Variants in TET2 observed in about 807,000 individuals in gnomAD.
TET2 encodes methylcytosine dioxygenase TET2.
In TET2, 299 loss-of-function variants were observed where a neutral mutation model predicts 142.9. The ratio of observed to expected loss-of-function variants is 2.09; its 90% CI spans 1.90 to 2.30. The LOEUF is 2.30. Among genes scored for constraint, TET2 ranks in the 30% most tolerant of loss-of-function variants. The pLI is 0.00. For missense variants in TET2, 2,418 were observed against 2,378.0 expected (o/e 1.02, Z -0.35); for synonymous variants, 819 against 849.0 (o/e 0.96, Z 0.61).
At chr4:105,225,095 T>C (rs1387319976) in intron 2 of TET2, among the ~76,000 whole-genome samples, 1 of 152,088 alleles carries the variant, frequency 6.6e-6, no homozygotes, top group Non-Finnish European at 1.5e-5. Flanking sequence ...TTTAGCATTA[T>C]GTTTTGTTCA....
rs1292467870 is a variant in TET2 at position 105,278,163 on chromosome 4, A to AATATATATATAT, written c.*1651_*1652insTATATATATATA. On this transcript the variant is annotated 3_prime_UTR_variant, in exon 11 of 11. Transcript: ENST00000380013. ...GTATTTTAGTACTGTAAAAAAATTAAATATATACATATATATATATATATA... is the reference window on the plus strand; with the variant it reads ...GTATTTTAGTACTGTAAAAAAATTAAATATATATATATATATATACATATATATATATATATA... The AATATATATATAT allele has an allele frequency of 8.6e-6, 1 of 116,730 alleles. No homozygotes were observed. The highest frequency in any genetic ancestry group is 1.5e-5 in the Non-Finnish European group (1 of 65,066). 7.2% of individuals were successfully genotyped at this position (116,730 alleles called of 1,614,324 possible).
rs917237888 is a variant in TET2 at position 105,277,404 on chromosome 4, A to G, written c.*885A>G. On this transcript the variant is annotated 3_prime_UTR_variant, in exon 11 of 11. Coordinates refer to ENST00000380013, the MANE Select transcript of TET2 (RefSeq NM_001127208.3). ...ACATGTATATGTATAAATATTTTAA[A>G]TGGTGTTTTAGAAGCACTTTGTCTA... The G allele has an allele frequency of 8.9e-6, 2 of 224,986 alleles. No individual in the cohort carries two copies. Among genetic ancestry groups the G allele is most frequent in the African/African-American group, 2.2e-5 (1 of 44,942 alleles). 13.9% of individuals were successfully genotyped at this position (224,986 alleles called of 1,614,324 possible).
intron 1 of TET2, among the ~76,000 whole-genome samples, chr4:105,170,417 T>C (rs1193647635): frequency 6.6e-6 from 1 of 152,114 alleles, no homozygotes; most frequent in Non-Finnish European, 1.5e-5. Flanking sequence ...TCTCAAAAGT[T>C]TGGGGTTGTA....
rs2110234942 is a variant in TET2 at position 105,236,652 on chromosome 4, C to A, written c.2710C>A (p.Gln904Lys). 1 of 1,613,972 alleles carries A rather than the reference C, an allele frequency of 6.2e-7. No individual in the cohort carries two copies. The highest frequency in any genetic ancestry group is 8.5e-7 in the Non-Finnish European group (1 of 1,179,990). The change falls in exon 3 of 11, where the codon CAA (glutamine) becomes AAA (lysine). Residue 904 changes from glutamine (Q) to lysine (K), a missense_variant. By Grantham distance (53) the Gln-to-Lys change is moderately conservative. Transcript: ENST00000380013. ...TCTACAGGGATATAAAAATAGAAAC[C>A]AAGATATGTCTGGTCAACAAGCTGC... ...SVLQGYKNRN[Q>K]DMSGQQAAQL...
intron 1 of TET2, among the ~76,000 whole-genome samples, chr4:105,174,263 A>G (rs1724648265): frequency 6.6e-6 from 1 of 152,236 alleles, no homozygotes; most frequent in Non-Finnish European, 1.5e-5. Flanking sequence ...GTACATTGCA[A>G]AACAACCCTT....
rs1199463428 is a variant in TET2 at position 105,274,818 on chromosome 4, G to C, written c.4538-230G>C. Among the ~76,000 whole-genome samples the C allele has an allele frequency of 3.9e-5, 6 of 152,114 alleles. No homozygotes were observed. In the East Asian group the frequency reaches 1.2e-3, roughly 29 times the overall value. ...TTTTGCTCTCAATGGAATGGCTTTG[G>C]ATGTTTATTACATTTTTTTTTTCAC... On this transcript the variant is annotated intron_variant, in intron 10 of 10. Transcript: ENST00000380013.
chr4:105,176,493 G>A (rs1008033956), intron 1 of TET2, among the ~76,000 whole-genome samples: 2 of 152,042 alleles, frequency 1.3e-5, no homozygotes, highest in African/African-American at 4.8e-5. Context: ...CTGTATACCA[G>A]CAATAAACAA....
chr4:105,157,390 T>C (rs1723621446), intron 1 of TET2, among the ~76,000 whole-genome samples: 1 of 152,174 alleles, frequency 6.6e-6, no homozygotes, highest in African/African-American at 2.4e-5. Flanking sequence ...CTTTAAACCT[T>C]GTTTTATAGA....
chr4:105,251,067 T>C (rs1729849366), intron 6 of TET2, among the ~76,000 whole-genome samples: 1 of 152,206 alleles, frequency 6.6e-6, no homozygotes, highest in Non-Finnish European at 1.5e-5. Context: ...GGTCATAAAT[T>C]TCATTTTTAT....
intron 8 of TET2, among the ~76,000 whole-genome samples, chr4:105,267,822 T>G (rs910493093): frequency 4.6e-5 from 7 of 151,886 alleles, no homozygotes; most frequent in Non-Finnish European, 1.0e-4. Flanking sequence ...AAAAGATATT[T>G]TTAACATAAA....
intron 1 of TET2, among the ~76,000 whole-genome samples, chr4:105,163,806 C>CGAGAGAGAGAGAGA (rs59658275): frequency 2.5e-4 from 20 of 79,790 alleles, no homozygotes; most frequent in South Asian, 6.1e-4. Context: ...TCGAAAGTTT[C>CGAGAGAGAGAGAGA]GAGAGAGAGA....
At chr4:105,168,731 AC>A (rs1423967878) in intron 1 of TET2, among the ~76,000 whole-genome samples, 2 of 151,174 alleles carry the variant, frequency 1.3e-5, no homozygotes, top group African/African-American at 4.9e-5. Flanking sequence ...TTTATTCCTC[AC>A]CCCCTTCCCA....
rs1295678627 is a variant in TET2, at chr4:105,279,713, GGTTATTTGAAAGCT to G, written c.*3198_*3211del. 4.4e-6 allele frequency: 1 copy of G among 227,634 alleles called. No individual in the cohort carries two copies. Among genetic ancestry groups the G allele is most frequent in the African/African-American group, 2.2e-5 (1 of 45,010 alleles). The allele number at this position is 227,634 out of a possible 1,614,324, so 14.1% of individuals were successfully genotyped here. A position where few individuals can be genotyped will look rare whatever the true frequency, so the allele number is the denominator to read the frequency against. ...TAAGTATTGTAATGTTATGAATGCAGGTTATTTGAAAGCTGTTTATTATTATATCATTCCTGATA... is the reference window on the plus strand; with the variant it reads ...TAAGTATTGTAATGTTATGAATGCAGGTTTATTATTATATCATTCCTGATA... On this transcript the variant is annotated 3_prime_UTR_variant, in exon 11 of 11. Coordinates refer to ENST00000380013, the MANE Select transcript of TET2 (RefSeq NM_001127208.3).
chr4:105,211,608 A>G lies in TET2; in HGVS notation c.-47+21103A>G, dbSNP rs79938046. On this transcript the variant is annotated intron_variant, in intron 2 of 10. Transcript: ENST00000380013. ...GTGAGAGTGTCCTAACACAGGTCTA[A>G]ATGAAAGGATAGTTCAGAAGAGGGC... Among the ~76,000 whole-genome samples the G allele has an allele frequency of 2.0e-3, 300 of 152,302 alleles. 16 individuals are homozygous for G. The East Asian group carries it at 0.054, about 27-fold the overall frequency.
intron 2 of TET2, among the ~76,000 whole-genome samples, chr4:105,219,082 T>C (rs1727662070): frequency 6.6e-6 from 1 of 152,094 alleles, no homozygotes; most frequent in African/African-American, 2.4e-5. Flanking sequence ...GGTTATTTTG[T>C]TTATGTTATG....
At chr4:105,157,277 G>GA (rs1310586142) in intron 1 of TET2, among the ~76,000 whole-genome samples, 23 of 149,990 alleles carry the variant, frequency 1.5e-4, no homozygotes, top group African/African-American at 3.9e-4. Context: ...AAAAATGAAG[G>GA]AAAAAAAAAT....
intron 8 of TET2, among the ~76,000 whole-genome samples, 182 bp downstream of exon 8, chr4:105,262,030 T>G (rs1415597464): frequency 6.6e-6 from 1 of 152,172 alleles, no homozygotes; most frequent in Non-Finnish European, 1.5e-5. Flanking sequence ...AAAGTACATT[T>G]TTTTTGTCTT....
At chr4:105,148,127 T>A (rs1270688927) in intron 1 of TET2, among the ~76,000 whole-genome samples, 1 of 152,096 alleles carries the variant, frequency 6.6e-6, no homozygotes, top group Non-Finnish European at 1.5e-5. Context: ...ACTGCTTGTC[T>A]AGTTTTATTA....
chr4:105,183,312 ATTATAG>A (rs1560732105), intron 1 of TET2, among the ~76,000 whole-genome samples: 2 of 152,158 alleles, frequency 1.3e-5, no homozygotes, highest in Non-Finnish European at 2.9e-5. Flanking sequence ...GTGGCTATCA[ATTATAG>A]TTATATATTA....
Sources: gnomAD v4.1 joint callset for allele counts (sites outside exome capture counted in the v4.1 genomes callset) on GRCh38, gnomAD v4.1.1 for gene constraint, MANE v1.5 for transcripts, NCBI Gene and HGNC (gene_info 2026-07-23, HGNC 2026-07-21) for gene names.